The following ESR2 variants were observed in gnomAD, a reference collection of about 807,000 sequenced individuals.
The protein encoded by ESR2 is estrogen receptor 2.
A neutral mutation model predicts 49.6 loss-of-function variants in ESR2; 36 were observed. That is an observed-to-expected ratio of 0.73 (90% CI 0.56 to 0.96). The LOEUF is 0.96. ESR2 is among the 40% of genes least tolerant of loss of function. The pLI is 0.00. For synonymous variants in ESR2, 320 were observed against 266.1 expected (o/e 1.20, Z -1.97); for missense variants, 714 against 693.0 (o/e 1.03, Z -0.34).
intron 3 of ESR2, among the ~76,000 whole-genome samples, chr14:64,277,578 T>C (rs1253271409): frequency 6.8e-6 from 1 of 146,550 alleles, no homozygotes; most frequent in Non-Finnish European, 1.5e-5. Flanking sequence ...TGAGCCGAGA[T>C]TGTGCCACTG....
intron 7 of ESR2, among the ~76,000 whole-genome samples, chr14:64,245,076 C>T (rs2075819669): frequency 6.6e-6 from 1 of 151,848 alleles, no homozygotes; most frequent in African/African-American, 2.4e-5. Flanking sequence ...ACAAATAATC[C>T]AGAAGAAAAA....
intron 1 of ESR2, among the ~76,000 whole-genome samples, chr14:64,308,213 C>T (rs1596480171): frequency 6.6e-6 from 1 of 152,216 alleles, no homozygotes; most frequent in East Asian, 1.9e-4. Context: ...GGCGGTCTCA[C>T]CATGTTGCCC....
chr14:64,240,545 T>C (rs972272823), intron 7 of ESR2, among the ~76,000 whole-genome samples: 1 of 152,218 alleles, frequency 6.6e-6, no homozygotes, highest in Non-Finnish European at 1.5e-5. Flanking sequence ...CATCCAGGTA[T>C]ACCTGACATG....
At chr14:64,289,686 G>C (rs1379336798) in intron 1 of ESR2, among the ~76,000 whole-genome samples, 1 of 145,016 alleles carries the variant, frequency 6.9e-6, no homozygotes. Flanking sequence ...GAAGATTTTT[G>C]CCTCCTAATT....
chr14:64,234,988 G>A lies in ESR2; in HGVS notation c.1388C>T (p.Ser463Phe). 1 of 1,614,178 alleles carries A rather than the reference G, an allele frequency of 6.2e-7. No homozygotes were observed. The highest frequency in any genetic ancestry group is 8.5e-7 in the Non-Finnish European group (1 of 1,180,012). The change falls in exon 8 of 9, where the codon TCC becomes TTC. Residue 463 changes from serine (S) to phenylalanine (F), a missense_variant. Ser to Phe is a radical substitution (Grantham distance 155). Coordinates refer to ENST00000341099, the MANE Select transcript of ESR2 (RefSeq NM_001437.3). ...CGCGTACCTCGCATGCCTGACGTGG[G>A]ACAGGAGCATCAGGAGGTTAGCCAG... The part of the protein sequence containing the change: ...MRLANLLMLL[S>F]HVRHASNKGM...
intron 4 of ESR2, among the ~76,000 whole-genome samples, chr14:64,265,563 A>G (rs1278616010): frequency 1.3e-5 from 2 of 152,246 alleles, no homozygotes; most frequent in Non-Finnish European, 2.9e-5. Flanking sequence ...ACAGAAGAGT[A>G]TACAGCAGGT....
At chr14:64,235,685 G>A (rs1032920933) in intron 7 of ESR2, among the ~76,000 whole-genome samples, 3 of 152,180 alleles carry the variant, frequency 2.0e-5, no homozygotes, top group Admixed American at 2.0e-4. Flanking sequence ...ACCTGGCTGG[G>A]GCAGGAAGAC....
In ESR2 at chr14:64,282,777, C is replaced by T. The variant is rs1378415204; in HGVS notation, c.209G>A (p.Gly70Asp). The change falls in exon 2 of 9, where the codon GGT becomes GAT. Residue 70 changes from glycine to aspartate, a missense_variant. Transcript: ENST00000341099. The stretch of plus-strand genomic sequence containing the variant: ...CACATTTGGGCTTGTGGTCTGCCGA[C>T]CAGGCCCACCTTCCAAGTTAGTGAC... ...SNVTNLEGGP[G>D]RQTTSPNVLW... is the part of the protein sequence containing the mutation. 1 of 1,614,242 alleles carries T rather than the reference C, an allele frequency of 6.2e-7. No homozygotes were observed. Among genetic ancestry groups the T allele is most frequent in the Non-Finnish European group, 8.5e-7 (1 of 1,180,042 alleles).
At chr14:64,306,033 A>G (rs1567792946) in intron 1 of ESR2, among the ~76,000 whole-genome samples, 1 of 151,968 alleles carries the variant, frequency 6.6e-6, no homozygotes, top group Non-Finnish European at 1.5e-5. Flanking sequence ...ACATGGTGAA[A>G]CCCCGTCCCT....
At chr14:64,314,877 C>CA (rs1179436563) in intron 1 of ESR2, among the ~76,000 whole-genome samples, 738 of 20,108 alleles carry the variant, frequency 0.037, 20 homozygotes, top group Middle Eastern at 0.05. Flanking sequence ...GACTCCGTCT[C>CA]AAAAAAAAAA....
chr14:64,290,095 A>T (rs944325276), intron 1 of ESR2, among the ~76,000 whole-genome samples: 1 of 152,148 alleles, frequency 6.6e-6, no homozygotes, highest in Non-Finnish European at 1.5e-5. Flanking sequence ...GGTGGGGGTT[A>T]TACTCTAGCT....
intron 1 of ESR2, among the ~76,000 whole-genome samples, chr14:64,313,878 C>CAAAA (rs58601573): frequency 4.2e-5 from 4 of 95,928 alleles, no homozygotes; most frequent in African/African-American, 3.6e-5. Context: ...GACTCTGTCT[C>CAAAA]AAAAAAAAAA....
intron 5 of ESR2, 50 bp downstream of exon 5, chr14:64,260,399 G>T (rs1258232803): frequency 1.3e-6 from 2 of 1,484,714 alleles, no homozygotes; most frequent in East Asian, 2.3e-5. Context: ...AAATATTAGC[G>T]GCCGGCCTTT....
chr14:64,242,977 A>G (rs532948978), intron 7 of ESR2, among the ~76,000 whole-genome samples: 1 of 152,340 alleles, frequency 6.6e-6, no homozygotes, highest in African/African-American at 2.4e-5. Flanking sequence ...CCATTTTTAT[A>G]TAACCATCAA....
At chr14:64,256,941 A>G (rs985950638) in intron 6 of ESR2, among the ~76,000 whole-genome samples, 2 of 152,170 alleles carry the variant, frequency 1.3e-5, no homozygotes, top group African/African-American at 4.8e-5. Flanking sequence ...ATCTGTGTCG[A>G]CTTATACACA....
intron 1 of ESR2, among the ~76,000 whole-genome samples, chr14:64,326,010 C>T (rs1477322499): frequency 2.0e-5 from 3 of 150,262 alleles, no homozygotes; most frequent in African/African-American, 7.4e-5. Flanking sequence ...ATGGCCATAT[C>T]CCCTAACCCC....
chr14:64,327,000 A>T (rs528044753), intron 1 of ESR2, among the ~76,000 whole-genome samples: 3 of 152,274 alleles, frequency 2.0e-5, no homozygotes, highest in South Asian at 4.1e-4. Flanking sequence ...AGATAACAAA[A>T]ATTGTTTTTC....
chr14:64,248,373 G>T (rs1161705254), intron 7 of ESR2, among the ~76,000 whole-genome samples: 1 of 151,696 alleles, frequency 6.6e-6, no homozygotes, highest in Non-Finnish European at 1.5e-5. Flanking sequence ...ACCAGGTCTG[G>T]TGGTATGCAC....
chr14:64,318,935 G>A (rs1317236266), intron 1 of ESR2, among the ~76,000 whole-genome samples: 1 of 152,044 alleles, frequency 6.6e-6, no homozygotes, highest in Non-Finnish European at 1.5e-5. Context: ...CAGCTACTAG[G>A]GAGGCTGAGA....
Sources: gnomAD v4.1 joint callset for allele counts (sites outside exome capture counted in the v4.1 genomes callset) on GRCh38, gnomAD v4.1.1 for gene constraint, MANE v1.5 for transcripts, NCBI Gene and HGNC (gene_info 2026-07-23, HGNC 2026-07-21) for gene names.